PLEKHA6: variants seen among roughly 807,000 people sequenced by gnomAD.
The protein encoded by PLEKHA6 is pleckstrin homology domain containing A6, also known as pleckstrin homology domain-containing family A member 6.
PLEKHA6 carries 60 observed loss-of-function variants against 116.7 expected under a neutral mutation model. The observed-to-expected ratio is 0.51, with a 90% CI of 0.42 to 0.64. PLEKHA6 has a LOEUF of 0.64. PLEKHA6 is among the 30% of genes least tolerant of loss of function. The pLI, the probability that PLEKHA6 is intolerant of heterozygous loss-of-function variation, is 0.00. For synonymous variants in PLEKHA6, 489 were observed against 556.1 expected (o/e 0.88, Z 1.70); for missense variants, 1,338 against 1,422.7 (o/e 0.94, Z 0.96).
chr1:204,300,747 G>C (rs1670736272), intron 1 of PLEKHA6, among the ~76,000 whole-genome samples: 1 of 152,224 alleles, frequency 6.6e-6, no homozygotes, highest in Non-Finnish European at 1.5e-5. Context: ...TGGAATGACA[G>C]CTCAGCCCAC....
Position 204,337,722 on chromosome 1 carries a change from G to C in PLEKHA6, c.-95+21972C>G, listed in dbSNP as rs559261155. On this transcript the variant is annotated intron_variant, in intron 1 of 22. Coordinates refer to ENST00000272203, the MANE Select transcript of PLEKHA6 (RefSeq NM_014935.5). ...AAGATGGCGGTCTCTCACTTGGGGGGGGAATCCAGGGAAAATGACTCACTT... is the reference window on the plus strand; with the variant it reads ...AAGATGGCGGTCTCTCACTTGGGGGCGGAATCCAGGGAAAATGACTCACTT... 1.4e-3 allele frequency among the ~76,000 whole-genome samples: 216 copies of C among 152,270 alleles called. 1 individual carries two copies. The highest frequency in any genetic ancestry group is 6.5e-5 in the Admixed American group (1 of 15,294).
chr1:204,302,614 C>T (rs1051223317), intron 1 of PLEKHA6, among the ~76,000 whole-genome samples: 10 of 152,196 alleles, frequency 6.6e-5, no homozygotes, highest in Admixed American at 2.0e-4. Context: ...CAGTGGCTCA[C>T]GCCTATAATA....
Position 204,356,468 on chromosome 1 carries a change from G to A in PLEKHA6, c.-95+3226C>T, listed in dbSNP as rs981283391. Among the ~76,000 whole-genome samples the A allele has an allele frequency of 4.6e-5, 7 of 152,244 alleles. No homozygotes were observed. The East Asian group carries it at 1.3e-3, about 29-fold the overall frequency. On this transcript the variant is annotated intron_variant, in intron 1 of 22. Transcript: ENST00000272203. ...TGTAGACCCAGCCACTTGGGAGGCT[G>A]AGGTAGGAGGATCGCTTGAGCCTAG... is the stretch of plus-strand genomic sequence containing the variant.
intron 17 of PLEKHA6, among the ~76,000 whole-genome samples, chr1:204,234,836 C>T (rs1661715959): frequency 6.6e-6 from 1 of 151,462 alleles, no homozygotes. Context: ...TGCCCTCGAA[C>T]ATCAAACTGA....
chr1:204,307,521 T>C (rs1376668194), intron 1 of PLEKHA6: 1 of 152,218 alleles, frequency 6.6e-6, no homozygotes, highest in Non-Finnish European at 1.5e-5. Flanking sequence ...GACTCTGGTG[T>C]CAGCTCTCTC....
chr1:204,344,618 G>T (rs1227608003), intron 1 of PLEKHA6, among the ~76,000 whole-genome samples: 1 of 130,352 alleles, frequency 7.7e-6, no homozygotes, highest in Admixed American at 7.7e-5. Flanking sequence ...AAAAAAAAAA[G>T]AAATATTTAA....
At chr1:204,315,509 G>A (rs1210210816) in intron 1 of PLEKHA6, among the ~76,000 whole-genome samples, 1 of 152,126 alleles carries the variant, frequency 6.6e-6, no homozygotes, top group Non-Finnish European at 1.5e-5. Context: ...AATCTCCCAG[G>A]GGAAGGCAGG....
upstream of PLEKHA6, among the ~76,000 whole-genome samples, chr1:204,363,280 T>A (rs565503693): frequency 6.6e-6 from 1 of 152,220 alleles, no homozygotes; most frequent in Admixed American, 6.5e-5. Context: ...GGCAGAGACC[T>A]GGGCTTCTGA....
chr1:204,343,352 A>G (rs1269908515), intron 1 of PLEKHA6, among the ~76,000 whole-genome samples: 1 of 152,142 alleles, frequency 6.6e-6, no homozygotes, highest in Non-Finnish European at 1.5e-5. Context: ...ACATGTATTA[A>G]TGTATTTAAC....
intron 17 of PLEKHA6, among the ~76,000 whole-genome samples, chr1:204,236,463 C>A (rs1662063969): frequency 6.6e-6 from 1 of 152,134 alleles, no homozygotes; most frequent in African/African-American, 2.4e-5. Flanking sequence ...TTTGTGAGGG[C>A]AGCACTTGCA....
intron 1 of PLEKHA6, among the ~76,000 whole-genome samples, chr1:204,351,890 A>T (rs10793761): frequency 6.6e-6 from 1 of 152,074 alleles, no homozygotes; most frequent in Admixed American, 6.5e-5. Flanking sequence ...CATGCCCAAC[A>T]TGGTAAAAAC....
chr1:204,305,804 A>G (rs1671244111), intron 1 of PLEKHA6, among the ~76,000 whole-genome samples: 1 of 152,152 alleles, frequency 6.6e-6, no homozygotes, highest in Non-Finnish European at 1.5e-5. Context: ...TGTACAACCT[A>G]TTAATTGTAT....
upstream of PLEKHA6, among the ~76,000 whole-genome samples, chr1:204,360,366 G>A (rs905373982): frequency 6.0e-5 from 9 of 149,236 alleles, no homozygotes; most frequent in Non-Finnish European, 1.2e-4. Context: ...TGGGGCCCTG[G>A]GGCCTCCCCA....
At position 204,228,210 on chromosome 1, in the gene PLEKHA6, G is replaced by T; in HGVS notation, c.2904C>A (p.Pro968=). Residue 968 remains proline (P), a synonymous_variant, in exon 21 of 23, where the codon CCC becomes CCA. Coordinates refer to ENST00000272203, the MANE Select transcript of PLEKHA6 (RefSeq NM_014935.5). This position sits in a 1 kb window ranked among gnomAD's most constrained non-coding sequence, Gnocchi z 4.0. ...IAKSSMQNVV[P]IGEGDSVDVP... The stretch of plus-strand genomic sequence containing the variant: ...CGTCCACAGAGTCCCCCTCGCCGAT[G>T]GGCACCACGTTCTGCATACTGAAGA... 1 of 1,608,814 alleles carries T rather than the reference G, an allele frequency of 6.2e-7. No homozygotes were observed. The highest frequency in any genetic ancestry group is 1.1e-5 in the South Asian group (1 of 90,460).
At chr1:204,285,677 G>T (rs761656870) in intron 1 of PLEKHA6, among the ~76,000 whole-genome samples, 1 of 152,106 alleles carries the variant, frequency 6.6e-6, no homozygotes, top group East Asian at 1.9e-4. Context: ...CGGTCTCGCC[G>T]TGTTGGCCAG....
chr1:204,229,419 CT>C (rs748558742), intron 18 of PLEKHA6, among the ~76,000 whole-genome samples: 1 of 152,148 alleles, frequency 6.6e-6, no homozygotes, highest in Non-Finnish European at 1.5e-5. Flanking sequence ...TTGATTTCTT[CT>C]TTTTATTTTT....
intron 13 of PLEKHA6, among the ~76,000 whole-genome samples, chr1:204,246,799 C>T (rs57097833): frequency 0.089 from 13,594 of 152,300 alleles, 700 homozygotes; most frequent in Middle Eastern, 0.14. Context: ...GCTCCCGCAG[C>T]GCCTACTCTT....
Position 204,295,510 on chromosome 1 carries a change from C to CA in PLEKHA6, c.-94-20702dup, listed in dbSNP as rs887220123. ...ATCTCAAAAAAAAAAAAACAAACAACAAAAAAAAAATTCTAGTGCTTATGC... is the reference window on the plus strand; with the variant it reads ...ATCTCAAAAAAAAAAAAACAAACAACAAAAAAAAAAATTCTAGTGCTTATGC... On this transcript the variant is annotated intron_variant, in intron 1 of 22. Transcript: ENST00000272203. 4.2e-4 allele frequency among the ~76,000 whole-genome samples: 61 copies of CA among 144,926 alleles called. 1 individual carries two copies. In the South Asian group the frequency reaches 5.8e-3, roughly 14 times the overall value.
At chr1:204,302,051 G>C (rs1029164944) in intron 1 of PLEKHA6, among the ~76,000 whole-genome samples, 1 of 152,190 alleles carries the variant, frequency 6.6e-6, no homozygotes, top group African/African-American at 2.4e-5. Flanking sequence ...GAAAGAGGTT[G>C]TGGATGCTTC....
Sources: gnomAD v4.1 joint callset for allele counts (sites outside exome capture counted in the v4.1 genomes callset) on GRCh38, gnomAD v4.1.1 for gene constraint, Gnocchi (gnomAD v3.1) non-coding constraint, MANE v1.5 for transcripts, NCBI Gene and HGNC (gene_info 2026-07-23, HGNC 2026-07-21) for gene names.